The following TMEM237 variants were observed in gnomAD, a reference collection of about 807,000 sequenced individuals.
TMEM237 encodes the protein transmembrane protein 237.
Under a neutral mutation model 59.1 loss-of-function variants are expected in TMEM237, and 51 were observed. The observed-to-expected ratio is 0.86, with a 90% CI of 0.69 to 1.09. The LOEUF (loss-of-function observed/expected upper bound fraction) is 1.09. Among genes scored for constraint, TMEM237 ranks in the 50% least tolerant of loss-of-function variants. The pLI is 0.00. For missense variants in TMEM237, 475 were observed against 478.3 expected (o/e 0.99, Z 0.06); for synonymous variants, 140 against 166.1 (o/e 0.84, Z 1.21).
rs1957786968 is a variant in TMEM237, at chr2:201,629,279, T to C, written c.820A>G (p.Ser274Gly). The C allele has an allele frequency of 1.9e-6, 3 of 1,600,948 alleles. No individual in the cohort carries two copies. The highest frequency in any genetic ancestry group is 2.5e-6 in the Non-Finnish European group (3 of 1,176,580). Residue 274 changes from serine (S) to glycine (G), a missense_variant, in exon 9 of 13, where the codon AGT becomes GGT. Transcript: ENST00000409883. ...QYKTLAYPFQ[S>G]LLYLLLALST... ...AGAGCCAAAAGCAAGTACAGAAGAC[T>C]CTGGAATGGATACGCTAGGGTCTTG...
intron 9 of TMEM237, 69 bp from the exon 10 acceptor site, chr2:201,628,218 T>C (rs147461494): frequency 1.2e-4 from 137 of 1,139,064 alleles, no homozygotes; most frequent in Admixed American, 1.5e-4. Context: ...TTCTTGACTA[T>C]AGTTTTTTCC....
intron 10 of TMEM237, 45 bp from the exon 11 acceptor site, chr2:201,627,459 G>C: frequency 7.9e-7 from 1 of 1,272,456 alleles, no homozygotes. Flanking sequence ...TTAACAACCT[G>C]GTTTATTTTG....
intron 11 of TMEM237, 54 bp from the exon 12 acceptor site, chr2:201,626,201 A>C (rs746307378): frequency 2.1e-4 from 320 of 1,560,018 alleles, no homozygotes; most frequent in Non-Finnish European, 2.7e-4. Flanking sequence ...TCATATACAC[A>C]AATATATCTA....
chr2:201,629,656 G>A (rs898525246), intron 8 of TMEM237, 73 bp downstream of exon 8: 23 of 1,547,184 alleles, frequency 1.5e-5, no homozygotes, highest in Middle Eastern at 1.7e-4. Flanking sequence ...GAACAACCAA[G>A]AGGTTATTTT....
In TMEM237 at chr2:201,621,176, A is replaced by G. The variant is rs1957704033; in HGVS notation, c.*3079T>C. 6.6e-6 allele frequency: 1 copy of G among 152,214 alleles called. No individual in the cohort carries two copies. The highest frequency in any genetic ancestry group is 2.4e-5 in the African/African-American group (1 of 41,464). 9.4% of individuals were successfully genotyped at this position (152,214 alleles called of 1,614,324 possible). On this transcript the variant is annotated 3_prime_UTR_variant, in exon 13 of 13. Coordinates refer to ENST00000409883, the MANE Select transcript of TMEM237 (RefSeq NM_001044385.3). ...CCAGACCTAACCTCCAGTCTATAGGAAATTCAGGAGATTGAGGAACAAATT... is the reference window on the plus strand; with the variant it reads ...CCAGACCTAACCTCCAGTCTATAGGGAATTCAGGAGATTGAGGAACAAATT...
At chr2:201,641,093 G>A (rs1278743401) in intron 1 of TMEM237, among the ~76,000 whole-genome samples, 169 bp from the exon 2 acceptor site, 1 of 151,948 alleles carries the variant, frequency 6.6e-6, no homozygotes, top group Non-Finnish European at 1.5e-5. Context: ...CTGGGTTCAA[G>A]CAATTCCCCT....
At chr2:201,642,762 G>C in intron 1 of TMEM237, 1 of 1,445,912 alleles carries the variant, frequency 6.9e-7, no homozygotes, top group African/African-American at 1.5e-5. Flanking sequence ...GCAGCGCCCT[G>C]CGGGGATGTT....
Position 201,629,412 on chromosome 2 carries a change from A to G in TMEM237, c.687T>C (p.Gly229=). ...LTVHRAFRMI[G]LFSHGFLAGC... ...CAGCCAAGAATCCATGAGAAAAGAG[A>G]CCAATCATCCTGAATGGAAAAGGGT... is the stretch of plus-strand genomic sequence containing the variant. The change falls in exon 9 of 13, where the codon GGT becomes GGC. Residue 229 remains glycine (G), a synonymous_variant. Coordinates refer to ENST00000409883, the MANE Select transcript of TMEM237 (RefSeq NM_001044385.3). The G allele has an allele frequency of 6.4e-7, 1 of 1,568,902 alleles. No homozygotes were observed.
chr2:201,640,987 C>T, intron 1 of TMEM237, 63 bp from the exon 2 acceptor site: 1 of 1,467,558 alleles, frequency 6.8e-7, no homozygotes, highest in Non-Finnish European at 9.3e-7. Context: ...CTTCAAATAC[C>T]ATCACGCTAT....
At chr2:201,633,191 C>A in intron 6 of TMEM237, 120 bp downstream of exon 6, 1 of 999,082 alleles carries the variant, frequency 1.0e-6, no homozygotes. Flanking sequence ...TAATACTTAT[C>A]CTAGAGGTAC....
chr2:201,623,184 A>G lies in TMEM237; in HGVS notation c.*1071T>C, dbSNP rs987256699. The G allele has an allele frequency of 2.4e-5, 9 of 380,006 alleles. No individual in the cohort carries two copies. In the East Asian group the frequency reaches 3.0e-4, roughly 13 times the overall value. The allele number at this position is 380,006 out of a possible 1,614,324, so 23.5% of individuals were successfully genotyped here. ...CAATTTGTCAATCCTCTTCTGTTCTATAACATTCAGGTGCTTGCTAATCAG... is the reference window on the plus strand; with the variant it reads ...CAATTTGTCAATCCTCTTCTGTTCTGTAACATTCAGGTGCTTGCTAATCAG... On this transcript the variant is annotated 3_prime_UTR_variant, in exon 13 of 13. Coordinates refer to ENST00000409883, the MANE Select transcript of TMEM237 (RefSeq NM_001044385.3).
Position 201,643,300 on chromosome 2 carries a change from T to G in TMEM237, c.42+59A>C. ...CCCCCCCACACACACCCACCCCCACTGCCAAGTGTAGCTGTTTACCCGCCA... is the reference window on the plus strand; with the variant it reads ...CCCCCCCACACACACCCACCCCCACGGCCAAGTGTAGCTGTTTACCCGCCA... On this transcript the variant is annotated intron_variant, in intron 1 of 12. Coordinates refer to ENST00000409883, the MANE Select transcript of TMEM237 (RefSeq NM_001044385.3). This position sits in a 1 kb window ranked among gnomAD's most constrained non-coding sequence, Gnocchi z 4.3. 9 of 788,770 alleles carry G rather than the reference T, an allele frequency of 1.1e-5. No homozygotes were observed. Among genetic ancestry groups the G allele is most frequent in the Non-Finnish European group, 1.8e-5 (9 of 513,256 alleles). The allele number at this position is 788,770 out of a possible 1,614,324, so 48.9% of individuals were successfully genotyped here.
chr2:201,640,988 A>T (rs1034788002), intron 1 of TMEM237, 64 bp from the exon 2 acceptor site: 13 of 1,448,004 alleles, frequency 9.0e-6, no homozygotes, highest in Admixed American at 2.1e-5. Context: ...TTCAAATACC[A>T]TCACGCTATT....
At chr2:201,624,729 A>G (rs1957742162) in intron 12 of TMEM237, among the ~76,000 whole-genome samples, 1 of 152,196 alleles carries the variant, frequency 6.6e-6, no homozygotes, top group Non-Finnish European at 1.5e-5. Flanking sequence ...GTGCCAGGAT[A>G]TTTTAAATGG....
chr2:201,636,215 A>G (rs1687294717), intron 5 of TMEM237: 1 of 152,284 alleles, frequency 6.6e-6, no homozygotes, highest in African/African-American at 2.4e-5. Flanking sequence ...TACTATTCCC[A>G]GAAATCCAGA....
intron 7 of TMEM237, chr2:201,631,338 A>C (rs1027849112): frequency 1.3e-5 from 2 of 152,234 alleles, no homozygotes; most frequent in African/African-American, 4.8e-5. Flanking sequence ...TATGAGAAAT[A>C]AATGTCCGTG....
intron 11 of TMEM237, among the ~76,000 whole-genome samples, chr2:201,626,852 C>G (rs557539988): frequency 6.6e-6 from 1 of 152,172 alleles, no homozygotes; most frequent in Non-Finnish European, 1.5e-5. Flanking sequence ...GAGGCCAAGG[C>G]GGGTGGATCA....
Position 201,624,221 on chromosome 2 carries a change from A to G in TMEM237, c.*34T>C, listed in dbSNP as rs1413315617. ...ATTTAAAAACAAAAATGGGACAAATACTGGGTCATTATTCCTCCAAAGGTG... is the reference window on the plus strand; with the variant it reads ...ATTTAAAAACAAAAATGGGACAAATGCTGGGTCATTATTCCTCCAAAGGTG... On this transcript the variant is annotated 3_prime_UTR_variant, in exon 13 of 13. Transcript: ENST00000409883. The G allele has an allele frequency of 6.4e-7, 1 of 1,562,582 alleles. No individual in the cohort carries two copies. The highest frequency in any genetic ancestry group is 2.3e-5 in the East Asian group (1 of 44,360).
chr2:201,624,176 T>A lies in TMEM237; in HGVS notation c.*79A>T. The A allele has an allele frequency of 9.8e-7, 1 of 1,021,130 alleles. No individual in the cohort carries two copies. The highest frequency in any genetic ancestry group is 1.5e-6 in the Non-Finnish European group (1 of 662,132). 63.3% of individuals were successfully genotyped at this position (1,021,130 alleles called of 1,614,324 possible). A position where few individuals can be genotyped will look rare whatever the true frequency, so the allele number is the denominator to read the frequency against. On this transcript the variant is annotated 3_prime_UTR_variant, in exon 13 of 13. Transcript: ENST00000409883. ...AAAAAATCTATTACAAATACACATGTATACATCTTATAAAAATACATTTAA... is the reference window on the plus strand; with the variant it reads ...AAAAAATCTATTACAAATACACATGAATACATCTTATAAAAATACATTTAA...
Sources: allele counts gnomAD v4.1 joint callset (sites outside exome capture counted in the v4.1 genomes callset), GRCh38; gene constraint gnomAD v4.1.1; non-coding constraint Gnocchi (gnomAD v3.1); transcripts MANE v1.5; gene names NCBI Gene and HGNC (gene_info 2026-07-23, HGNC 2026-07-21).